Variants in PCDHA13 observed in about 807,000 individuals in gnomAD.
PCDHA13 encodes protocadherin alpha 13.
PCDHA13 carries 54 observed loss-of-function variants against 64.8 expected under a neutral mutation model. The observed-to-expected ratio is 0.83, with a 90% confidence interval of 0.67 to 1.04. PCDHA13 has a LOEUF of 1.04. PCDHA13 is among the 50% of genes least tolerant of loss of function. The probability of loss-of-function intolerance (pLI) is 0.00; values close to 1 mark genes in which losing one functional copy is unlikely to be tolerated. For missense variants in PCDHA13, 1,248 were observed against 1,254.3 expected, an observed-to-expected ratio of 0.99 and a Z score of 0.08; for synonymous variants, 587 against 564.4, an observed-to-expected ratio of 1.04 and a Z score of -0.57.
intron 1 of PCDHA13, chr5:140,966,502 G>GGCAGCA (rs2096011406): frequency 6.9e-6 from 3 of 433,776 alleles, no homozygotes; most frequent in Non-Finnish European, 1.2e-5. Context: ...GAGCTGTAGC[G>GGCAGCA]GCAGCAGCAG....
chr5:140,953,034 C>T (rs1337571700), intron 1 of PCDHA13, among the ~76,000 whole-genome samples: 1 of 152,168 alleles, frequency 6.6e-6, no homozygotes, highest in Non-Finnish European at 1.5e-5. Context: ...GGGAAATCCA[C>T]CCCCATGATC....
intron 3 of PCDHA13, among the ~76,000 whole-genome samples, chr5:140,991,888 A>T (rs1374098533): frequency 6.6e-6 from 1 of 152,178 alleles, no homozygotes; most frequent in African/African-American, 2.4e-5. Context: ...TGCCATAACA[A>T]ATTAACACAA....
At chr5:140,908,348 T>C (rs977122453) in intron 1 of PCDHA13, among the ~76,000 whole-genome samples, 43 of 152,160 alleles carry the variant, frequency 2.8e-4, no homozygotes, top group Non-Finnish European at 5.3e-4. Flanking sequence ...CACTACCTCA[T>C]GTAACTTACT....
At position 141,011,322 on chromosome 5, in the gene PCDHA13, C is replaced by T. The variant is rs1210973958; in HGVS notation, c.*1385C>T. The T allele has an allele frequency of 2.0e-5, 3 of 153,698 alleles. No individual in the cohort carries two copies. The highest frequency in any genetic ancestry group is 7.2e-5 in the African/African-American group (3 of 41,430). The allele number at this position is 153,698 out of a possible 1,614,324, so 9.5% of individuals were successfully genotyped here. On this transcript the variant is annotated 3_prime_UTR_variant, in exon 4 of 4. Coordinates refer to ENST00000289272, the MANE Select transcript of PCDHA13 (RefSeq NM_018904.3). Reference sequence around the variant, plus strand: ...CTCTGAATTGCTAATCTTACTAACACCTATGATGTTACCTGAAATCAATCT... The same window carrying T: ...CTCTGAATTGCTAATCTTACTAACATCTATGATGTTACCTGAAATCAATCT...
intron 1 of PCDHA13, among the ~76,000 whole-genome samples, chr5:140,918,114 G>C (rs989175486): frequency 5.8e-4 from 89 of 152,144 alleles, no homozygotes; most frequent in African/African-American, 2.1e-3. Flanking sequence ...TCACATCCTT[G>C]ATTAGCCATA....
chr5:141,011,221 A>G lies in PCDHA13; in HGVS notation c.*1284A>G, dbSNP rs1392607276. On this transcript the variant is annotated 3_prime_UTR_variant, in exon 4 of 4. Coordinates refer to ENST00000289272, the MANE Select transcript of PCDHA13 (RefSeq NM_018904.3). ...TCTCATACAGTGAGCAGATTTTTCA[A>G]TCTACTAATTCTGTGACTTGTCTTG... is the stretch of plus-strand genomic sequence containing the variant. The G allele has an allele frequency of 1.3e-5, 2 of 153,780 alleles. No individual in the cohort carries two copies. The highest frequency in any genetic ancestry group is 4.8e-5 in the African/African-American group (2 of 41,464). 9.5% of individuals were successfully genotyped at this position (153,780 alleles called of 1,614,324 possible).
intron 1 of PCDHA13, among the ~76,000 whole-genome samples, chr5:140,907,719 C>A (rs2153502555): frequency 1.3e-5 from 2 of 152,330 alleles, no homozygotes; most frequent in South Asian, 4.1e-4. Flanking sequence ...CCATGTGTAA[C>A]CTCCATCCCT....
rs1278190743 is a variant in PCDHA13, at chr5:140,891,784, G to C, written c.2394+7122G>C. 2.0e-5 allele frequency among the ~76,000 whole-genome samples: 3 copies of C among 152,152 alleles called. No homozygotes were observed. In the East Asian group the frequency reaches 5.8e-4, roughly 29 times the overall value. On this transcript the variant is annotated intron_variant, in intron 1 of 3. Coordinates refer to ENST00000289272, the MANE Select transcript of PCDHA13 (RefSeq NM_018904.3). ...GGTGGGGAATTTCAGGAAATGTTTA[G>C]ATTATGAGGGATCTGCCCTCATGAA...
intron 1 of PCDHA13, among the ~76,000 whole-genome samples, chr5:140,972,883 C>T (rs1020544230): frequency 1.1e-4 from 16 of 151,884 alleles, no homozygotes; most frequent in African/African-American, 1.7e-4. Context: ...AGGATGGTCT[C>T]GATCTCTTGA....
chr5:140,919,207 T>C (rs1554198972), intron 1 of PCDHA13, among the ~76,000 whole-genome samples: 1 of 152,222 alleles, frequency 6.6e-6, no homozygotes, highest in Non-Finnish European at 1.5e-5. Context: ...CATTATAAAA[T>C]GTCCTTCTTG....
intron 1 of PCDHA13, among the ~76,000 whole-genome samples, chr5:140,902,760 T>G (rs887357298): frequency 1.4e-4 from 22 of 152,038 alleles, no homozygotes; most frequent in African/African-American, 5.3e-4. Context: ...ATCATTCTTA[T>G]GTCTTTGCAT....
intron 1 of PCDHA13, among the ~76,000 whole-genome samples, chr5:140,906,185 A>G (rs574875890): frequency 2.8e-4 from 43 of 152,270 alleles, no homozygotes; most frequent in African/African-American, 1.0e-3. Flanking sequence ...GCATCCTTCA[A>G]TCCAATCAAG....
chr5:140,999,176 T>A (rs546665453), intron 3 of PCDHA13, among the ~76,000 whole-genome samples: 1 of 152,274 alleles, frequency 6.6e-6, no homozygotes, highest in African/African-American at 2.4e-5. Context: ...AAGAGCCTGA[T>A]GGGGAGAGGG....
intron 2 of PCDHA13, 130 bp from the exon 3 acceptor site, chr5:140,982,345 A>G: frequency 6.8e-7 from 1 of 1,471,098 alleles, no homozygotes; most frequent in Non-Finnish European, 9.1e-7. Context: ...TAATTGCTTC[A>G]GTTCAAGCAT....
Position 140,904,868 on chromosome 5 carries a change from C to T in PCDHA13, c.2394+20206C>T, listed in dbSNP as rs188578381. 2.9e-3 allele frequency among the ~76,000 whole-genome samples: 446 copies of T among 152,022 alleles called. 2 individuals are homozygous for T. Among genetic ancestry groups the T allele is most frequent in the Middle Eastern group, 0.014 (4 of 294 alleles). Reference sequence around the variant, plus strand: ...TCTTCTGAGAATTGTCTGTTTATGTCCTTAGCTCACTTTTTGATGGGATTT... The same window carrying T: ...TCTTCTGAGAATTGTCTGTTTATGTTCTTAGCTCACTTTTTGATGGGATTT... On this transcript the variant is annotated intron_variant, in intron 1 of 3. Transcript: ENST00000289272.
rs11350929 is a variant in PCDHA13, at chr5:140,972,660, ATTT to A, written c.2395-6269_2395-6267del. Among the ~76,000 whole-genome samples, 687 of 117,242 alleles carry A rather than the reference ATTT, an allele frequency of 5.9e-3. 9 individuals carry two copies. Among genetic ancestry groups the A allele is most frequent in the African/African-American group, 0.021 (630 of 30,162 alleles). 76.9% of individuals were successfully genotyped at this position (117,242 alleles called of 152,430 possible). A position where few individuals can be genotyped will look rare whatever the true frequency, so the allele number is the denominator to read the frequency against. On this transcript the variant is annotated intron_variant, in intron 1 of 3. Coordinates refer to ENST00000289272, the MANE Select transcript of PCDHA13 (RefSeq NM_018904.3). ...CAGAGTCTCCATAAAAAGAAACCAAATTTTTTTTTTTTTTTTTTTTTTGAGATG... is the reference window on the plus strand; with the variant it reads ...CAGAGTCTCCATAAAAAGAAACCAAATTTTTTTTTTTTTTTTTTTGAGATG...
chr5:140,970,792 C>A (rs1554232742), intron 1 of PCDHA13, among the ~76,000 whole-genome samples: 2 of 152,036 alleles, frequency 1.3e-5, no homozygotes, highest in African/African-American at 4.8e-5. Flanking sequence ...TATGTAATAT[C>A]CATATTGTTA....
intron 1 of PCDHA13, among the ~76,000 whole-genome samples, chr5:140,898,600 G>A (rs2066865388): frequency 6.6e-6 from 1 of 152,184 alleles, no homozygotes; most frequent in Non-Finnish European, 1.5e-5. Context: ...TAGCCTTGTA[G>A]TATAGTTTGA....
intron 1 of PCDHA13, among the ~76,000 whole-genome samples, chr5:140,921,833 T>C (rs1228666561): frequency 1.3e-5 from 2 of 152,094 alleles, no homozygotes; most frequent in Admixed American, 6.6e-5. Flanking sequence ...TATACACATA[T>C]AGACATATTT....
Sources: allele counts gnomAD v4.1 joint callset (sites outside exome capture counted in the v4.1 genomes callset), GRCh38; gene constraint gnomAD v4.1.1; transcripts MANE v1.5; gene names NCBI Gene and HGNC (gene_info 2026-07-23, HGNC 2026-07-21).